Variants in PTDSS1 observed in about 807,000 individuals in gnomAD.
PTDSS1 encodes phosphatidylserine synthase 1.
A neutral mutation model predicts 70.5 loss-of-function variants in PTDSS1; 45 were observed. The observed-to-expected ratio is 0.64, with a 90% confidence interval of 0.50 to 0.82. The LOEUF (loss-of-function observed/expected upper bound fraction) is 0.82. PTDSS1 is among the 40% of genes least tolerant of loss of function. The probability of loss-of-function intolerance (pLI) is 0.00; values close to 1 mark genes in which losing one functional copy is unlikely to be tolerated. For synonymous variants in PTDSS1, 188 were observed against 203.8 expected, an observed-to-expected ratio of 0.92 and a Z score of 0.66; for missense variants, 417 against 586.1, an observed-to-expected ratio of 0.71 and a Z score of 2.98.
chr8:96,274,837 T>C (rs1357089582), intron 2 of PTDSS1, among the ~76,000 whole-genome samples: 1 of 152,206 alleles, frequency 6.6e-6, no homozygotes, highest in Non-Finnish European at 1.5e-5. Flanking sequence ...TTTTAGTATG[T>C]AGCAGACTAG....
At chr8:96,274,818 A>G (rs1184821368) in intron 2 of PTDSS1, among the ~76,000 whole-genome samples, 4 of 152,160 alleles carry the variant, frequency 2.6e-5, no homozygotes, top group Non-Finnish European at 5.9e-5. Flanking sequence ...GTTTACAAGA[A>G]CGTAGTGGTT....
chr8:96,281,323 GC>G (rs1361174642), intron 2 of PTDSS1, among the ~76,000 whole-genome samples: 12 of 152,308 alleles, frequency 7.9e-5, no homozygotes, highest in African/African-American at 2.4e-4. Context: ...GAGGCAATGG[GC>G]AGTTATGACA....
chr8:96,330,857 AG>A (rs1471731452), intron 11 of PTDSS1, 168 bp from the exon 12 acceptor site: 4 of 590,170 alleles, frequency 6.8e-6, no homozygotes, highest in East Asian at 5.6e-5. Flanking sequence ...GTGAGAGGAA[AG>A]AACCTTGTTT....
chr8:96,273,130 A>T (rs1429987531), intron 1 of PTDSS1, among the ~76,000 whole-genome samples, 169 bp from the exon 2 acceptor site: 1 of 152,230 alleles, frequency 6.6e-6, no homozygotes, highest in Non-Finnish European at 1.5e-5. Context: ...ACACATAATG[A>T]TCTAAGAATT....
At chr8:96,299,043 A>G (rs1331452653) in intron 5 of PTDSS1, among the ~76,000 whole-genome samples, 1 of 147,854 alleles carries the variant, frequency 6.8e-6, no homozygotes, top group Non-Finnish European at 1.5e-5. Context: ...CTGTCTCAGA[A>G]AAAAAAAAAA....
intron 9 of PTDSS1, among the ~76,000 whole-genome samples, chr8:96,316,264 G>T (rs1033198638): frequency 6.6e-6 from 1 of 152,138 alleles, no homozygotes; most frequent in African/African-American, 2.4e-5. Flanking sequence ...CCAGCAGAAG[G>T]TTCTCGAATG....
At chr8:96,315,839 GA>G (rs959824098) in intron 9 of PTDSS1, among the ~76,000 whole-genome samples, 4 of 152,222 alleles carry the variant, frequency 2.6e-5, no homozygotes, top group African/African-American at 9.6e-5. Context: ...GCCTGGGAAA[GA>G]TCAGAGAGAT....
chr8:96,287,268 C>T lies in PTDSS1; in HGVS notation c.441+122C>T, dbSNP rs1001047581. 2.9e-6 allele frequency: 4 copies of T among 1,360,378 alleles called. No individual in the cohort carries two copies. The African/African-American group carries it at 5.8e-5, about 20-fold the overall frequency. 84.3% of individuals were successfully genotyped at this position (1,360,378 alleles called of 1,614,324 possible). A position where few individuals can be genotyped will look rare whatever the true frequency, so the allele number is the denominator to read the frequency against. On this transcript the variant is annotated intron_variant, in intron 4 of 12. Transcript: ENST00000517309. ...ATTTCCTGTGTAGTTACCTAAAAAC[C>T]AGGTCTCTGGGAGGGTTGTTGAGTT...
At chr8:96,331,132 G>C in intron 12 of PTDSS1, 37 bp downstream of exon 12, 1 of 1,545,160 alleles carries the variant, frequency 6.5e-7, no homozygotes, top group Non-Finnish European at 9.0e-7. Context: ...AATTTTACTG[G>C]GTCCTTGAGA....
At chr8:96,325,996 A>C (rs903564575) in intron 10 of PTDSS1, among the ~76,000 whole-genome samples, 52 of 152,132 alleles carry the variant, frequency 3.4e-4, no homozygotes, top group African/African-American at 1.2e-3. Flanking sequence ...AGAAGGAAGA[A>C]GGCTCCCCAC....
intron 1 of PTDSS1, among the ~76,000 whole-genome samples, chr8:96,272,610 C>G (rs1470441740): frequency 6.6e-6 from 1 of 152,172 alleles, no homozygotes; most frequent in South Asian, 2.1e-4. Flanking sequence ...AATGTCTTAC[C>G]TACACAACCT....
At chr8:96,333,145 T>C (rs1811541780) in intron 12 of PTDSS1, among the ~76,000 whole-genome samples, 1 of 152,190 alleles carries the variant, frequency 6.6e-6, no homozygotes, top group Admixed American at 6.5e-5. Context: ...GGGCTTCCGT[T>C]TCACTTGTGC....
intron 6 of PTDSS1, among the ~76,000 whole-genome samples, chr8:96,303,700 C>T (rs1342479125): frequency 6.6e-6 from 1 of 152,116 alleles, no homozygotes; most frequent in Non-Finnish European, 1.5e-5. Context: ...TGTTCATCAA[C>T]CCAAAATGTT....
chr8:96,264,083 C>T (rs1486588344), intron 1 of PTDSS1, among the ~76,000 whole-genome samples: 3 of 152,218 alleles, frequency 2.0e-5, no homozygotes, highest in Non-Finnish European at 4.4e-5. Flanking sequence ...GACCTTTCCA[C>T]AGTACCTGAC....
chr8:96,333,542 C>T lies in PTDSS1; in HGVS notation c.1398C>T (p.Val466=). 1 of 1,612,140 alleles carries T rather than the reference C, an allele frequency of 6.2e-7. No individual in the cohort carries two copies. Among genetic ancestry groups the T allele is most frequent in the Non-Finnish European group, 8.5e-7 (1 of 1,178,196 alleles). The change falls in exon 13 of 13, where the codon GTC becomes GTT. Residue 466 remains valine, a synonymous_variant. Transcript: ENST00000517309. Reference sequence around the variant, plus strand: ...GGAATCGGCATTCCAAGTCAAAAGTCACCAATGGCGTTGGAAAGAAATGAA... The same window carrying T: ...GGAATCGGCATTCCAAGTCAAAAGTTACCAATGGCGTTGGAAAGAAATGAA... ...RRRNRHSKSK[V]TNGVGKK
chr8:96,296,218 A>T (rs1810974126), intron 5 of PTDSS1, among the ~76,000 whole-genome samples: 2 of 142,638 alleles, frequency 1.4e-5, no homozygotes, highest in African/African-American at 5.2e-5. Context: ...AGCTCACTGC[A>T]AGCTCCGCCT....
chr8:96,271,441 G>A (rs761349098), intron 1 of PTDSS1, among the ~76,000 whole-genome samples: 2 of 151,952 alleles, frequency 1.3e-5, no homozygotes, highest in African/African-American at 2.4e-5. Flanking sequence ...TCTTTACTCG[G>A]TCTCTTTTTG....
At chr8:96,294,951 T>C (rs1160481327) in intron 4 of PTDSS1, 147 bp from the exon 5 acceptor site, 1 of 734,390 alleles carries the variant, frequency 1.4e-6, no homozygotes, top group African/African-American at 1.8e-5. Context: ...CTCAAGGCCC[T>C]TAAGTTATTA....
At chr8:96,308,910 A>G (rs1381210877) in intron 8 of PTDSS1, among the ~76,000 whole-genome samples, 26 of 152,114 alleles carry the variant, frequency 1.7e-4, no homozygotes, top group Non-Finnish European at 2.4e-4. Context: ...ACTTGTCAGT[A>G]ACATTCCAAG....
Sources: allele counts gnomAD v4.1 joint callset (sites outside exome capture counted in the v4.1 genomes callset), GRCh38; gene constraint gnomAD v4.1.1; transcripts MANE v1.5; gene names NCBI Gene and HGNC (gene_info 2026-07-23, HGNC 2026-07-21).